The following MAD1L1 variants were observed in gnomAD, a reference collection of about 807,000 sequenced individuals.
MAD1L1 encodes the protein mitotic arrest deficient 1 like 1, also known as mitotic spindle assembly checkpoint protein MAD1.
Under a neutral mutation model 96.9 loss-of-function variants are expected in MAD1L1, and 95 were observed. The ratio of observed to expected loss-of-function variants is 0.98; its 90% CI spans 0.83 to 1.16. MAD1L1 has a LOEUF of 1.16. Among genes scored for constraint, MAD1L1 ranks in the 50% most tolerant of loss-of-function variants. The pLI, the probability that MAD1L1 is intolerant of heterozygous loss-of-function variation, is 0.00. For missense variants in MAD1L1, 1,007 were observed against 954.4 expected, an observed-to-expected ratio of 1.06 and a Z score of -0.73; for synonymous variants, 473 against 396.6, an observed-to-expected ratio of 1.19 and a Z score of -2.29.
At chr7:2,162,268 C>T (rs1289144186) in intron 10 of MAD1L1, among the ~76,000 whole-genome samples, 2 of 151,822 alleles carry the variant, frequency 1.3e-5, no homozygotes, top group African/African-American at 4.9e-5. Flanking sequence ...CCTTGGGATG[C>T]TGTTAATCTA....
chr7:2,161,944 CACCCG>C (rs1562742901), intron 10 of MAD1L1, among the ~76,000 whole-genome samples: 1 of 144,438 alleles, frequency 6.9e-6, no homozygotes, highest in Non-Finnish European at 1.6e-5. Flanking sequence ...GGGCAGCCCC[CACCCG>C]GCCAGCCACC....
At chr7:1,922,894 G>C (rs1420794805) in intron 17 of MAD1L1, among the ~76,000 whole-genome samples, 1 of 152,308 alleles carries the variant, frequency 6.6e-6, no homozygotes, top group Admixed American at 6.5e-5. Context: ...TCCTTTTGGC[G>C]AGCTGACGCG....
chr7:2,116,144 G>A (rs938385459), intron 11 of MAD1L1, among the ~76,000 whole-genome samples: 6 of 152,366 alleles, frequency 3.9e-5, no homozygotes, highest in East Asian at 1.9e-4. Context: ...CCACACTGAC[G>A]TGTTGGCTGC....
intron 18 of MAD1L1, among the ~76,000 whole-genome samples, chr7:1,838,391 C>A (rs948042757): frequency 1.1e-4 from 17 of 152,228 alleles, no homozygotes; most frequent in African/African-American, 3.4e-4. Flanking sequence ...ATGTTCACAG[C>A]AGCACTGTGT....
intron 18 of MAD1L1, among the ~76,000 whole-genome samples, chr7:1,869,987 C>A (rs1784967500): frequency 6.6e-6 from 1 of 152,178 alleles, no homozygotes; most frequent in Non-Finnish European, 1.5e-5. Flanking sequence ...GCCCGTGCCT[C>A]CCCTGCCCCT....
intron 17 of MAD1L1, among the ~76,000 whole-genome samples, chr7:1,930,748 C>T (rs939989346): frequency 2.0e-5 from 3 of 151,702 alleles, no homozygotes; most frequent in African/African-American, 4.8e-5. Context: ...GGACTTGCTT[C>T]CTGGTGGGAC....
intron 10 of MAD1L1, among the ~76,000 whole-genome samples, chr7:2,162,513 G>A (rs1790203137): frequency 6.6e-6 from 1 of 151,626 alleles, no homozygotes; most frequent in African/African-American, 2.4e-5. Flanking sequence ...TTTATCTGCT[G>A]ACCTTCCCTC....
At chr7:1,956,451 C>T (rs1441611616) in intron 16 of MAD1L1, among the ~76,000 whole-genome samples, 2 of 152,198 alleles carry the variant, frequency 1.3e-5, no homozygotes, top group African/African-American at 4.8e-5. Context: ...TCGAGGTCAC[C>T]ATATCACGGC....
chr7:2,028,942 C>T (rs987213320), intron 12 of MAD1L1, among the ~76,000 whole-genome samples: 12 of 151,896 alleles, frequency 7.9e-5, no homozygotes, highest in South Asian at 4.2e-4. Context: ...CGCAGTGCCA[C>T]GGTCAGTGTG....
intron 13 of MAD1L1, 48 bp from the exon 14 acceptor site, chr7:2,002,169 C>G (rs1475148946): frequency 6.3e-7 from 1 of 1,577,536 alleles, no homozygotes; most frequent in East Asian, 2.2e-5. Flanking sequence ...GGGCCAGGCC[C>G]CATTTCTAGG....
At chr7:1,931,005 G>T (rs570560417) in intron 17 of MAD1L1, among the ~76,000 whole-genome samples, 1 of 151,198 alleles carries the variant, frequency 6.6e-6, no homozygotes, top group Non-Finnish European at 1.5e-5. Flanking sequence ...TCACAGGAGC[G>T]AGGGCGCGTC....
chr7:2,097,247 C>T (rs750077914), intron 11 of MAD1L1, among the ~76,000 whole-genome samples: 2 of 152,078 alleles, frequency 1.3e-5, no homozygotes, highest in South Asian at 2.1e-4. Context: ...CACCCAAGCA[C>T]GCGCTCACCC....
At chr7:1,845,387 A>C (rs1783541365) in intron 18 of MAD1L1, 1 of 152,286 alleles carries the variant, frequency 6.6e-6, no homozygotes, top group South Asian at 2.1e-4. Flanking sequence ...CTCAAACCAC[A>C]AACAGCAGCT....
intron 15 of MAD1L1, among the ~76,000 whole-genome samples, chr7:1,963,794 C>T (rs6976871): frequency 0.98 from 149,765 of 152,278 alleles, 73,688 homozygotes; most frequent in Non-Finnish European, 1. Context: ...CTAGAAGGTA[C>T]TTCTGCAGCA....
intron 11 of MAD1L1, among the ~76,000 whole-genome samples, chr7:2,127,998 C>T (rs1788315271): frequency 6.6e-6 from 1 of 152,134 alleles, no homozygotes; most frequent in Non-Finnish European, 1.5e-5. Context: ...ATGATGAGAA[C>T]AAATGGATGA....
At chr7:1,928,127 C>T (rs1244491569) in intron 17 of MAD1L1, among the ~76,000 whole-genome samples, 3 of 151,480 alleles carry the variant, frequency 2.0e-5, no homozygotes, top group African/African-American at 4.8e-5. Context: ...CTGCTCCCCA[C>T]GACCCGCCGG....
intron 18 of MAD1L1, among the ~76,000 whole-genome samples, chr7:1,855,349 C>T (rs1784194953): frequency 6.6e-6 from 1 of 152,022 alleles, no homozygotes; most frequent in Non-Finnish European, 1.5e-5. Flanking sequence ...ATGACAGCGA[C>T]AAGCTGAGCA....
rs182269046 is a variant in MAD1L1 at position 2,166,797 on chromosome 7, A to G, written c.987-17559T>C. On this transcript the variant is annotated intron_variant, in intron 10 of 18. Transcript: ENST00000265854. Reference sequence around the variant, plus strand: ...GGAACCACGCCTGGCAGGGAGCTGCAGGGCCTCCATCATCATGCCAGGCGA... The same window carrying G: ...GGAACCACGCCTGGCAGGGAGCTGCGGGGCCTCCATCATCATGCCAGGCGA... 2.6e-5 allele frequency among the ~76,000 whole-genome samples: 4 copies of G among 152,334 alleles called. No individual in the cohort carries two copies. The East Asian group carries it at 5.8e-4, about 22-fold the overall frequency.
At chr7:1,974,288 C>G (rs1033971676) in intron 15 of MAD1L1, among the ~76,000 whole-genome samples, 2 of 152,208 alleles carry the variant, frequency 1.3e-5, no homozygotes, top group African/African-American at 2.4e-5. Context: ...ACAGGGCAAA[C>G]CCACCCTGGC....
Sources: allele counts gnomAD v4.1 joint callset (sites outside exome capture counted in the v4.1 genomes callset), GRCh38; gene constraint gnomAD v4.1.1; transcripts MANE v1.5; gene names NCBI Gene and HGNC (gene_info 2026-07-23, HGNC 2026-07-21).